PIAS1: variants seen among roughly 807,000 people sequenced by gnomAD.
PIAS1 encodes the protein E3 SUMO-protein ligase PIAS1.
In PIAS1, 6 loss-of-function variants were observed where a neutral mutation model predicts 71.3. The ratio of observed to expected loss-of-function variants is 0.08; its 90% CI spans 0.05 to 0.17. PIAS1 has a LOEUF of 0.17. Ranked by LOEUF, PIAS1 falls within the 10% of genes least tolerant of loss-of-function variation. The probability of loss-of-function intolerance (pLI) is 1.00; values close to 1 mark genes in which losing one functional copy is unlikely to be tolerated. For missense variants in PIAS1, 555 were observed against 793.6 expected, an observed-to-expected ratio of 0.70 and a Z score of 3.61; for synonymous variants, 303 against 292.9, an observed-to-expected ratio of 1.03 and a Z score of -0.35.
At chr15:68,138,445 G>A (rs191242360) in intron 2 of PIAS1, among the ~76,000 whole-genome samples, 1 of 152,252 alleles carries the variant, frequency 6.6e-6, no homozygotes, top group Non-Finnish European at 1.5e-5. Context: ...CTGTGACAGT[G>A]CTGTCCAGTT....
chr15:68,186,705 T>A lies in PIAS1; in HGVS notation c.1663-837T>A, dbSNP rs1035171108. Among the ~76,000 whole-genome samples, 2 of 152,258 alleles carry A rather than the reference T, an allele frequency of 1.3e-5. No homozygotes were observed. The highest frequency in any genetic ancestry group is 1.3e-4 in the Admixed American group (2 of 15,288). ...GCCCTATACAGGTGTATCATTTTTT[T>A]ATCTTTTATACCATATTTTTACTGT... On this transcript the variant is annotated intron_variant, in intron 13 of 13. Transcript: ENST00000249636. The surrounding 1 kb of genome is among the most constrained non-coding windows in gnomAD (Gnocchi z 4.4).
Position 68,173,657 on chromosome 15 carries a change from T to C in PIAS1, c.1009-75T>C. 9.2e-7 allele frequency: 1 copy of C among 1,086,146 alleles called. No homozygotes were observed. Among genetic ancestry groups the C allele is most frequent in the Non-Finnish European group, 1.3e-6 (1 of 785,218 alleles). The allele number at this position is 1,086,146 out of a possible 1,614,324, so 67.3% of individuals were successfully genotyped here. ...TAAATCAGCATGCCTACCTGTTGTG[T>C]TCTAGGAAATTTTTGTCAAAGCTTA... On this transcript the variant is annotated intron_variant, in intron 8 of 13. Coordinates refer to ENST00000249636, the MANE Select transcript of PIAS1 (RefSeq NM_016166.3). This position sits in a 1 kb window ranked among gnomAD's most constrained non-coding sequence, Gnocchi z 4.3.
intron 1 of PIAS1, among the ~76,000 whole-genome samples, chr15:68,078,615 A>G (rs2092195137): frequency 6.6e-6 from 1 of 152,136 alleles, no homozygotes; most frequent in African/African-American, 2.4e-5. Context: ...GTGATAAGAC[A>G]TTGTATTAGT....
In PIAS1 at chr15:68,055,308, A is replaced by G. The variant is rs117999282; in HGVS notation, c.24+958A>G. On this transcript the variant is annotated intron_variant, in intron 1 of 13. Transcript: ENST00000249636. ...CTTGCTGGCCATGTTGATTTGAACG[A>G]AATTCTCCCCTCATGCTACTCCAAC... 1,369 of 637,924 alleles carry G rather than the reference A, an allele frequency of 2.1e-3. 2 individuals carry two copies. The highest frequency in any genetic ancestry group is 2.4e-3 in the Non-Finnish European group (1,213 of 512,364). 39.5% of individuals were successfully genotyped at this position (637,924 alleles called of 1,614,324 possible). A position where few individuals can be genotyped will look rare whatever the true frequency, so the allele number is the denominator to read the frequency against.
rs1299382904 is a variant in PIAS1, at chr15:68,142,048, G to A, written c.554+18G>A. On this transcript the variant is annotated intron_variant, in intron 3 of 13. Coordinates refer to ENST00000249636, the MANE Select transcript of PIAS1 (RefSeq NM_016166.3). ...AGTTCCATGTAAGTTGTCGTCAAGT[G>A]TAACTTGAAGTTTGACCTTTGAATC... is the stretch of plus-strand genomic sequence containing the variant. The A allele has an allele frequency of 6.6e-7, 1 of 1,520,718 alleles. No homozygotes were observed. The highest frequency in any genetic ancestry group is 1.8e-5 in the Admixed American group (1 of 55,604). 94.2% of individuals were successfully genotyped at this position (1,520,718 alleles called of 1,614,324 possible).
At chr15:68,062,285 TC>T (rs1170241104) in intron 1 of PIAS1, among the ~76,000 whole-genome samples, 1 of 152,212 alleles carries the variant, frequency 6.6e-6, no homozygotes, top group African/African-American at 2.4e-5. Flanking sequence ...CTCATCATCT[TC>T]ATTCTTAGAG....
At chr15:68,121,231 G>C (rs781675940) in intron 2 of PIAS1, among the ~76,000 whole-genome samples, 2 of 149,714 alleles carry the variant, frequency 1.3e-5, no homozygotes, top group East Asian at 3.9e-4. Flanking sequence ...TGTTTTTGCT[G>C]AGTAAAGTGT....
intron 11 of PIAS1, among the ~76,000 whole-genome samples, chr15:68,177,194 G>A (rs1039876854): frequency 2.1e-5 from 3 of 144,660 alleles, no homozygotes; most frequent in East Asian, 2.3e-4. Flanking sequence ...CAGGAGAATC[G>A]CTTGAACCCA....
At chr15:68,134,733 C>T (rs2092711248) in intron 2 of PIAS1, among the ~76,000 whole-genome samples, 1 of 43,516 alleles carries the variant, frequency 2.3e-5, no homozygotes, top group South Asian at 5.7e-4. Flanking sequence ...CCCCCACCTC[C>T]CTCCCGGACG....
chr15:68,085,866 A>T (rs1358386334), intron 1 of PIAS1, among the ~76,000 whole-genome samples: 2 of 152,190 alleles, frequency 1.3e-5, no homozygotes, highest in African/African-American at 4.8e-5. Flanking sequence ...GGTGTTTGAG[A>T]TGGACTGTTT....
chr15:68,101,469 T>A (rs1164863424), intron 2 of PIAS1, among the ~76,000 whole-genome samples: 2 of 152,098 alleles, frequency 1.3e-5, no homozygotes, highest in Non-Finnish European at 2.9e-5. Context: ...TTTCCTTGTT[T>A]GTTTTTGACA....
intron 2 of PIAS1, among the ~76,000 whole-genome samples, chr15:68,116,431 A>T (rs1472388170): frequency 6.6e-6 from 1 of 152,090 alleles, no homozygotes; most frequent in Non-Finnish European, 1.5e-5. Context: ...GTAGTGATAT[A>T]ACCTCTTATT....
chr15:68,060,662 A>G (rs1433927310), intron 1 of PIAS1, among the ~76,000 whole-genome samples: 6 of 152,316 alleles, frequency 3.9e-5, no homozygotes, highest in South Asian at 4.1e-4. Context: ...TATACTGAAC[A>G]TTAATATAGA....
chr15:68,078,656 C>T (rs775594162), intron 1 of PIAS1, among the ~76,000 whole-genome samples: 1 of 152,102 alleles, frequency 6.6e-6, no homozygotes, highest in Non-Finnish European at 1.5e-5. Context: ...CAGATTTGAG[C>T]CCTATCTCCA....
At chr15:68,090,452 GT>G (rs2140986630) in intron 2 of PIAS1, among the ~76,000 whole-genome samples, 1 of 151,802 alleles carries the variant, frequency 6.6e-6, no homozygotes, top group South Asian at 2.1e-4. Context: ...TTTATTAAAT[GT>G]TTTTGTTTTG....
rs1018932957 is a variant in PIAS1, at chr15:68,129,213, C to G, written c.470-12733C>G. The stretch of plus-strand genomic sequence containing the variant: ...GAGTAACTAGGACTGTAGGCACATA[C>G]CACCACACCTGGCTGATATTTTAAA... On this transcript the variant is annotated intron_variant, in intron 2 of 13. Coordinates refer to ENST00000249636, the MANE Select transcript of PIAS1 (RefSeq NM_016166.3). 2.0e-5 allele frequency among the ~76,000 whole-genome samples: 3 copies of G among 152,024 alleles called. No homozygotes were observed. In the East Asian group the frequency reaches 5.8e-4, roughly 29 times the overall value.
rs949120981 is a variant in PIAS1 at position 68,164,914 on chromosome 15, C to T, written c.1008+110C>T. 6 of 619,852 alleles carry T rather than the reference C, an allele frequency of 9.7e-6. No homozygotes were observed. In the South Asian group the frequency reaches 1.1e-4, roughly 11 times the overall value. The allele number at this position is 619,852 out of a possible 1,614,324, so 38.4% of individuals were successfully genotyped here. On this transcript the variant is annotated intron_variant, in intron 8 of 13. Transcript: ENST00000249636. The stretch of plus-strand genomic sequence containing the variant: ...CTGTTTGCTTCTAAAATATGTCCAC[C>T]ATTGTTACAGTTTATGAAAAGTGGA...
At chr15:68,172,871 A>G (rs972426821) in intron 8 of PIAS1, among the ~76,000 whole-genome samples, 1 of 152,206 alleles carries the variant, frequency 6.6e-6, no homozygotes, top group Non-Finnish European at 1.5e-5. Context: ...TTGCAGGGCA[A>G]GAAGTCTCCT....
intron 1 of PIAS1, among the ~76,000 whole-genome samples, chr15:68,070,831 G>C (rs955065989): frequency 2.0e-5 from 3 of 152,116 alleles, no homozygotes; most frequent in African/African-American, 7.2e-5. Flanking sequence ...ATGTTGGCCA[G>C]GCTGGTCTTG....
Sources: allele counts gnomAD v4.1 joint callset (sites outside exome capture counted in the v4.1 genomes callset), GRCh38; gene constraint gnomAD v4.1.1; non-coding constraint Gnocchi (gnomAD v3.1); transcripts MANE v1.5; gene names NCBI Gene and HGNC (gene_info 2026-07-23, HGNC 2026-07-21).